TJP2: variants seen among roughly 807,000 people sequenced by gnomAD.
TJP2 encodes tight junction protein 2.
TJP2 carries 91 observed loss-of-function variants against 133.1 expected under a neutral mutation model. The ratio of observed to expected loss-of-function variants is 0.68; its 90% CI spans 0.58 to 0.81. The LOEUF (loss-of-function observed/expected upper bound fraction) is 0.81. Among genes scored for constraint, TJP2 ranks in the 40% least tolerant of loss-of-function variants. The probability of loss-of-function intolerance (pLI) is 0.00; values close to 1 mark genes in which losing one functional copy is unlikely to be tolerated. For synonymous variants in TJP2, 592 were observed against 583.4 expected (o/e 1.01, Z -0.21); for missense variants, 1,541 against 1,565.6 (o/e 0.98, Z 0.26).
chr9:69,159,499 CTCTG>C (rs1823949980), intron 2 of TJP2, among the ~76,000 whole-genome samples: 1 of 152,042 alleles, frequency 6.6e-6, no homozygotes, highest in African/African-American at 2.4e-5. Context: ...AAATAATTAA[CTCTG>C]TCAATACGCT....
At chr9:69,240,850 A>G (rs1322054018) in intron 17 of TJP2, among the ~76,000 whole-genome samples, 1 of 151,974 alleles carries the variant, frequency 6.6e-6, no homozygotes, top group Non-Finnish European at 1.5e-5. Context: ...TGAATATTGG[A>G]TGATTTAAAG....
At chr9:69,167,865 CAAA>C (rs33986127) in intron 2 of TJP2, among the ~76,000 whole-genome samples, 2,236 of 128,902 alleles carry the variant, frequency 0.017, 45 homozygotes, top group African/African-American at 0.061. Context: ...GAGAGTCTGT[CAAA>C]AAAAAAAAAA....
Position 69,163,030 on chromosome 9 carries a change from AT to A in TJP2, c.-10+11272del, listed in dbSNP as rs1169586128. ...TTAAAAAGTATCTTTATTTTATTTT[AT>A]TTTTTTTTTTTTGAGACGGAGTCTC... On this transcript the variant is annotated intron_variant, in intron 2 of 5. Transcript: ENST00000423935. Among the ~76,000 whole-genome samples the A allele has an allele frequency of 3.6e-4, 29 of 79,780 alleles. 5 individuals carry two copies. The highest frequency in any genetic ancestry group is 5.2e-4 in the Non-Finnish European group (22 of 42,106). 52.3% of individuals were successfully genotyped at this position (79,780 alleles called of 152,430 possible). A position where few individuals can be genotyped will look rare whatever the true frequency, so the allele number is the denominator to read the frequency against.
intron 1 of TJP2, chr9:69,121,774 C>T (rs1401579799): frequency 2.0e-5 from 3 of 152,488 alleles, no homozygotes; most frequent in African/African-American, 4.8e-5. Flanking sequence ...CTGCCTGCCG[C>T]ACGCCCCGGG....
At chr9:69,174,179 C>A, upstream of TJP2, 2 of 1,306,384 alleles carry the variant, frequency 1.5e-6, no homozygotes, top group South Asian at 2.4e-5. Context: ...AGGCGCCACG[C>A]TCGGGTCGGG....
chr9:69,137,246 TC>T (rs879788617), intron 1 of TJP2, among the ~76,000 whole-genome samples: 12,334 of 75,700 alleles, frequency 0.16, 970 homozygotes, highest in East Asian at 0.25. Flanking sequence ...TCTTTCTCTC[TC>T]TCTTTCTTTC....
In TJP2 at chr9:69,166,739, A is replaced by G. The variant is rs1303650035; in HGVS notation, c.-10+14968A>G. Among the ~76,000 whole-genome samples the G allele has an allele frequency of 3.3e-5, 5 of 151,820 alleles. No individual in the cohort carries two copies. In the East Asian group the frequency reaches 7.9e-4, roughly 24 times the overall value. On this transcript the variant is annotated intron_variant, in intron 2 of 5. Transcript: ENST00000423935. ...ATCTGCCTCCCAAAGTGCTGGGATT[A>G]CAGGCGTGAGCCACCGTGCCCAGCC...
intron 2 of TJP2, among the ~76,000 whole-genome samples, chr9:69,153,124 A>T (rs1004932941): frequency 6.6e-6 from 1 of 151,494 alleles, no homozygotes; most frequent in Non-Finnish European, 1.5e-5. Flanking sequence ...TCCTAGCTAC[A>T]TGAGAAGCTG....
rs74406322 is a variant in TJP2, at chr9:69,180,706, T to G, written c.60+6274T>G. 4.1e-3 allele frequency among the ~76,000 whole-genome samples: 631 copies of G among 152,322 alleles called. 8 individuals are homozygous for G. Among genetic ancestry groups the G allele is most frequent in the African/African-American group, 0.014 (593 of 41,572 alleles). ...AGATGAAATTATTTGAGGGAATTAA[T>G]TAGCAAAACTAAACATTTCTGTTTT... On this transcript the variant is annotated intron_variant, in intron 1 of 22. Coordinates refer to ENST00000377245, the MANE Select transcript of TJP2 (RefSeq NM_004817.4).
At position 69,167,688 on chromosome 9, in the gene TJP2, T is replaced by G. The variant is rs569006533; in HGVS notation, c.-10+15917T>G. On this transcript the variant is annotated intron_variant, in intron 2 of 5. Transcript: ENST00000423935. ...TTCAAGACCAGCTTGGCCAACGTGG[T>G]GAAACTCCACCTCTACTAAAAATAC... 8.6e-5 allele frequency among the ~76,000 whole-genome samples: 13 copies of G among 151,970 alleles called. No homozygotes were observed. In the South Asian group the frequency reaches 2.7e-3, roughly 32 times the overall value.
Position 69,227,884 on chromosome 9 carries a change from A to G in TJP2, c.1319+11A>G, listed in dbSNP as rs367595422. On this transcript the variant is annotated intron_variant, in intron 8 of 22. Transcript: ENST00000377245. ...GAAGGAAAGGCCAAGGTAAGATGAC[A>G]TGAATATTCTCTTGTACATGTCATT... 5 of 1,612,834 alleles carry G rather than the reference A, an allele frequency of 3.1e-6. No individual in the cohort carries two copies. The highest frequency in any genetic ancestry group is 3.4e-6 in the Non-Finnish European group (4 of 1,178,914).
intron 22 of TJP2, chr9:69,253,907 C>T: frequency 4.5e-6 from 2 of 441,700 alleles, no homozygotes; most frequent in Admixed American, 3.5e-5. Context: ...AGAGACCTCG[C>T]TGCTGGGTGA....
rs1824885301 is a variant in TJP2 at position 69,174,304 on chromosome 9, G to A, written c.-69G>A. 4 of 1,550,230 alleles carry A rather than the reference G, an allele frequency of 2.6e-6. No homozygotes were observed. Among genetic ancestry groups the A allele is most frequent in the Non-Finnish European group, 1.7e-6 (2 of 1,146,644 alleles). On this transcript the variant is annotated 5_prime_UTR_variant, in exon 1 of 23. Coordinates refer to ENST00000377245, the MANE Select transcript of TJP2 (RefSeq NM_004817.4). ...AGCACTGTCCGGTGGTGCCCAGGAG[G>A]AGTAGGAGCAGGAGCAGAAGCAGAA...
At chr9:69,217,996 G>A (rs1196461067) in intron 3 of TJP2, among the ~76,000 whole-genome samples, 1 of 152,172 alleles carries the variant, frequency 6.6e-6, no homozygotes, top group Non-Finnish European at 1.5e-5. Context: ...ACCTCCTGGT[G>A]TGATGCTGTG....
At chr9:69,180,968 A>G (rs1825452060) in intron 1 of TJP2, among the ~76,000 whole-genome samples, 1 of 152,122 alleles carries the variant, frequency 6.6e-6, no homozygotes, top group Non-Finnish European at 1.5e-5. Flanking sequence ...CACATCCACT[A>G]AACGTTGGAC....
At chr9:69,122,093 G>A (rs1200809139) in intron 1 of TJP2, 1 of 152,288 alleles carries the variant, frequency 6.6e-6, no homozygotes, top group African/African-American at 2.4e-5. Flanking sequence ...CGCACCTGCG[G>A]CAGCCACAGG....
intron 1 of TJP2, among the ~76,000 whole-genome samples, chr9:69,135,975 G>A (rs764212957): frequency 2.0e-5 from 3 of 152,110 alleles, no homozygotes; most frequent in African/African-American, 7.2e-5. Context: ...ATTATTGGAC[G>A]TCAGTCAAGT....
chr9:69,217,246 C>T (rs1045995877), intron 3 of TJP2, among the ~76,000 whole-genome samples: 3 of 152,198 alleles, frequency 2.0e-5, no homozygotes, highest in African/African-American at 7.2e-5. Flanking sequence ...CCACCTCGGC[C>T]TCCCAAAGTG....
At chr9:69,174,953 T>A (rs990386078) in intron 1 of TJP2, among the ~76,000 whole-genome samples, 1 of 150,658 alleles carries the variant, frequency 6.6e-6, no homozygotes, top group Non-Finnish European at 1.5e-5. Flanking sequence ...GGATGGAGGT[T>A]TGGAAGGACC....
Sources: allele counts gnomAD v4.1 joint callset (sites outside exome capture counted in the v4.1 genomes callset), GRCh38; gene constraint gnomAD v4.1.1; transcripts MANE v1.5; gene names NCBI Gene and HGNC (gene_info 2026-07-23, HGNC 2026-07-21).